The following ZRSR2 variants were observed in gnomAD, a reference collection of about 807,000 sequenced individuals.
ZRSR2 encodes zinc finger CCCH-type, RNA binding motif and serine/arginine rich 2.
Under a neutral mutation model 39.4 loss-of-function variants are expected in ZRSR2, and 3 were observed. That is an observed-to-expected ratio of 0.08 (90% CI 0.03 to 0.20). The LOEUF is 0.20. Among genes scored for constraint, ZRSR2 ranks in the 10% least tolerant of loss-of-function variants. ZRSR2 has a pLI of 1.00. For synonymous variants in ZRSR2, 137 were observed against 136.0 expected, an observed-to-expected ratio of 1.01 and a Z score of -0.05; for missense variants, 256 against 391.5, an observed-to-expected ratio of 0.65 and a Z score of 2.92.
At chrX:15,812,696 T>C (rs1932905049) in intron 7 of ZRSR2, among the ~76,000 whole-genome samples, 1 of 112,267 alleles carries the variant, frequency 8.9e-6, no homozygotes, top group African/African-American at 3.2e-5. Flanking sequence ...AAAAGTGATT[T>C]AAAGAAGGTT....
intron 3 of ZRSR2, among the ~76,000 whole-genome samples, chrX:15,801,965 G>GT (rs1360874185): frequency 3.6e-5 from 4 of 111,673 alleles, no homozygotes; most frequent in Admixed American, 9.5e-5. Context: ...CTTTCTTGTG[G>GT]TCTTAATTTA....
intron 2 of ZRSR2, among the ~76,000 whole-genome samples, chrX:15,797,873 G>A (rs1178013546): frequency 7.2e-5 from 8 of 111,601 alleles, no homozygotes; most frequent in African/African-American, 2.6e-4. Flanking sequence ...TGGTTTCGAG[G>A]TGATGGGGAG....
Position 15,790,993 on chromosome X carries a change from T to C in ZRSR2, c.101T>C (p.Leu34Pro). ...AAACGAAAGAAACGTCGGCAGGAAC[T>C]TGCTCGACTGAGAGACTCAGGTGAT... Reference protein sequence around the residue: ...KEKRKKRRQELARLRDSGLSQ... With the variant: ...KEKRKKRRQEPARLRDSGLSQ... Residue 34 changes from leucine to proline, a missense_variant, in exon 2 of 11, where the codon CTT (leucine) becomes CCT (proline). Coordinates refer to ENST00000307771, the MANE Select transcript of ZRSR2 (RefSeq NM_005089.4). The C allele has an allele frequency of 8.3e-7, 1 of 1,210,233 alleles. No homozygotes were observed. The highest frequency in any genetic ancestry group is 1.1e-6 in the Non-Finnish European group (1 of 894,284).
At position 15,800,769 on chromosome X, in the gene ZRSR2, T is replaced by A. The variant is rs979162781; in HGVS notation, c.203+816T>A. On this transcript the variant is annotated intron_variant, in intron 3 of 10. Transcript: ENST00000307771. ...CAATACAGTACCCACTGTACAGATG[T>A]AGCATAATTTATTTGCTATTCATAG... is the stretch of plus-strand genomic sequence containing the variant. Among the ~76,000 whole-genome samples, 8 of 112,728 alleles carry A rather than the reference T, an allele frequency of 7.1e-5. No individual in the cohort carries two copies. The East Asian group carries it at 2.2e-3, about 31-fold the overall frequency.
chrX:15,796,784 GTTTTTTTT>G (rs141175603), intron 2 of ZRSR2, among the ~76,000 whole-genome samples: 5 of 39,932 alleles, frequency 1.3e-4, no homozygotes, highest in Non-Finnish European at 1.9e-4. Flanking sequence ...GTTTCAAATC[GTTTTTTTT>G]TTTTTTTTTT....
chrX:15,801,134 A>C (rs1277922054), intron 3 of ZRSR2: 2 of 120,821 alleles, frequency 1.7e-5, no homozygotes, highest in Non-Finnish European at 3.4e-5. Context: ...TTTCTGAATT[A>C]GGTAGAGTAT....
chrX:15,809,217 A>T lies in ZRSR2; in HGVS notation c.456A>T (p.Thr152=). 8.3e-7 allele frequency: 1 copy of T among 1,208,928 alleles called. No homozygotes were observed. The highest frequency in any genetic ancestry group is 1.1e-6 in the Non-Finnish European group (1 of 892,617). The change falls in exon 7 of 11, where the codon ACA becomes ACT. Residue 152 remains threonine, a synonymous_variant. Coordinates refer to ENST00000307771, the MANE Select transcript of ZRSR2 (RefSeq NM_005089.4). ...TTCAACAGTTGGAAAATGGTACCAC[A>T]TGGCAAAACCCAGAACCACCCGTGG... ...QAENELENGT[T]WQNPEPPVDF...
chrX:15,822,732 T>C lies in ZRSR2; in HGVS notation c.939T>C (p.Gly313=), dbSNP rs758765772. 1 of 1,211,200 alleles carries C rather than the reference T, an allele frequency of 8.3e-7. No homozygotes were observed. The highest frequency in any genetic ancestry group is 1.7e-5 in the African/African-American group (1 of 57,542). Residue 313 remains glycine, a splice_region_variant and synonymous_variant, in exon 11 of 11, where the codon GGT becomes GGC. Transcript: ENST00000307771. ...TGTTTCATCACTGTGCCATTGCAGGTTTATTTGAAATACAACAATGTCCAA... is the reference window on the plus strand; with the variant it reads ...TGTTTCATCACTGTGCCATTGCAGGCTTATTTGAAATACAACAATGTCCAA... ...PVTRWKMAIC[G]LFEIQQCPRG...
intron 8 of ZRSR2, 92 bp downstream of exon 8, chrX:15,815,982 AGG>A: frequency 1.4e-6 from 1 of 722,670 alleles, no homozygotes; most frequent in Non-Finnish European, 2.0e-6. Flanking sequence ...AGCTGGGGTC[AGG>A]CACGCTAGCA....
chrX:15,815,904 T>C lies in ZRSR2; in HGVS notation c.771+14T>C. On this transcript the variant is annotated intron_variant, in intron 8 of 10. Transcript: ENST00000307771. Reference sequence around the variant, plus strand: ...ATTCAGTTCAAGGTGGGCATGCGTGTGGAGGAGGGGACTGGTTTGCTTCAC... The same window carrying C: ...ATTCAGTTCAAGGTGGGCATGCGTGCGGAGGAGGGGACTGGTTTGCTTCAC... The C allele has an allele frequency of 2.5e-6, 3 of 1,182,319 alleles. No individual in the cohort carries two copies. Among genetic ancestry groups the C allele is most frequent in the Non-Finnish European group, 3.4e-6 (3 of 877,112 alleles).
At chrX:15,814,005 ATTG>A (rs1932922824) in intron 7 of ZRSR2, among the ~76,000 whole-genome samples, 1 of 97,839 alleles carries the variant, frequency 1.0e-5, no homozygotes, top group African/African-American at 3.9e-5. Context: ...TTTCAGGGCC[ATTG>A]TTGTTTTTTC....
intron 5 of ZRSR2, among the ~76,000 whole-genome samples, chrX:15,804,456 G>T (rs1291900228): frequency 1.8e-5 from 2 of 111,192 alleles, no homozygotes; most frequent in Non-Finnish European, 3.8e-5. Flanking sequence ...GTTGTAAAGG[G>T]CCAGATGGTA....
chrX:15,803,333 G>A (rs1932731292), intron 3 of ZRSR2, among the ~76,000 whole-genome samples: 1 of 111,628 alleles, frequency 9.0e-6, no homozygotes, highest in Admixed American at 9.5e-5. Flanking sequence ...TGAAAAGGTA[G>A]ATGCTGCTTT....
intron 8 of ZRSR2, among the ~76,000 whole-genome samples, chrX:15,817,578 A>G (rs936465770): frequency 2.7e-5 from 3 of 112,042 alleles, no homozygotes; most frequent in African/African-American, 9.7e-5. Flanking sequence ...ATTCACACCT[A>G]TCAGGCAAAA....
At chrX:15,791,614 C>A (rs1932279239) in intron 2 of ZRSR2, among the ~76,000 whole-genome samples, 1 of 108,367 alleles carries the variant, frequency 9.2e-6, no homozygotes, top group Non-Finnish European at 1.9e-5. Flanking sequence ...GGACTACAGG[C>A]ATTCACCACC....
At position 15,815,901 on chromosome X, in the gene ZRSR2, G is replaced by C. The variant is rs369781555; in HGVS notation, c.771+11G>C. 1 of 1,183,484 alleles carries C rather than the reference G, an allele frequency of 8.4e-7. No homozygotes were observed. The highest frequency in any genetic ancestry group is 1.1e-6 in the Non-Finnish European group (1 of 877,845). ...GTGATTCAGTTCAAGGTGGGCATGC[G>C]TGTGGAGGAGGGGACTGGTTTGCTT... On this transcript the variant is annotated intron_variant, in intron 8 of 10. Transcript: ENST00000307771.
chrX:15,799,444 C>A (rs953683685), intron 2 of ZRSR2, among the ~76,000 whole-genome samples: 1 of 107,463 alleles, frequency 9.3e-6, no homozygotes, highest in African/African-American at 3.4e-5. Context: ...CCTTCCACAC[C>A]CCCACCACCT....
chrX:15,799,754 G>T (rs1173475643), intron 2 of ZRSR2, 118 bp from the exon 3 acceptor site: 5 of 464,182 alleles, frequency 1.1e-5, no homozygotes, highest in Non-Finnish European at 1.7e-5. Context: ...TTGTTAGAAA[G>T]TTTAAGAAAA....
chrX:15,806,174 A>C (rs1310344979), intron 5 of ZRSR2, among the ~76,000 whole-genome samples: 1 of 54,397 alleles, frequency 1.8e-5, no homozygotes, highest in African/African-American at 7.7e-5. Context: ...GCTGAGGGAG[A>C]GGGGGCAGTG....
Sources: allele counts gnomAD v4.1 joint callset (sites outside exome capture counted in the v4.1 genomes callset), GRCh38; gene constraint gnomAD v4.1.1; transcripts MANE v1.5; gene names NCBI Gene and HGNC (gene_info 2026-07-23, HGNC 2026-07-21).